Variants in SCGB2B2 observed in about 807,000 individuals in gnomAD.
The protein encoded by SCGB2B2 is secretoglobin family 2B member 2, also known as secretoglobin-like protein.
A neutral mutation model predicts 7.6 loss-of-function variants in SCGB2B2; 11 were observed. The ratio of observed to expected loss-of-function variants is 1.45; its 90% CI spans 0.91 to 2.40. The LOEUF (loss-of-function observed/expected upper bound fraction) is 2.40. Ranked by LOEUF, SCGB2B2 falls within the 30% of genes most tolerant of loss-of-function variation. The pLI, the probability that SCGB2B2 is intolerant of heterozygous loss-of-function variation, is 0.00. For missense variants in SCGB2B2, 104 were observed against 115.4 expected (o/e 0.90, Z 0.45); for synonymous variants, 50 against 48.6 (o/e 1.03, Z -0.12).
rs372699013 is a variant in SCGB2B2, at chr19:34,630,815, G to A, written c.-2031-34221C>T. Among the ~76,000 whole-genome samples the A allele has an allele frequency of 1.8e-4, 28 of 152,048 alleles. No homozygotes were observed. In the East Asian group the frequency reaches 5.4e-3, roughly 29 times the overall value. ...TGCTGCTATAAAGACACATGCACAC[G>A]TATGTTTATTGCGGCACTATTCACA... On this transcript the variant is annotated intron_variant, in intron 1 of 3. Coordinates refer to ENST00000601241, the MANE Select transcript of SCGB2B2 (RefSeq NM_001025591.4).
chr19:34,608,662 TATATATATATA>T lies in SCGB2B2; in HGVS notation c.-2031-12079_-2031-12069del, dbSNP rs1465162858. The stretch of plus-strand genomic sequence containing the variant: ...TTTTTATGGCTAGTGTCTCATTGCA[TATATATATATA>T]TATATATATATACCGTATTTTCTTC... On this transcript the variant is annotated intron_variant, in intron 1 of 3. Coordinates refer to ENST00000601241, the MANE Select transcript of SCGB2B2 (RefSeq NM_001025591.4). The T allele has an allele frequency of 2.7e-3, 134 of 49,228 alleles. 4 individuals are homozygous for T. Among genetic ancestry groups the T allele is most frequent in the African/African-American group, 7.3e-3 (128 of 17,610 alleles). The allele number at this position is 49,228 out of a possible 1,614,324, so 3.0% of individuals were successfully genotyped here. A position where few individuals can be genotyped will look rare whatever the true frequency, so the allele number is the denominator to read the frequency against.
At chr19:34,617,558 T>C (rs2066118557) in intron 1 of SCGB2B2, among the ~76,000 whole-genome samples, 1 of 151,972 alleles carries the variant, frequency 6.6e-6, no homozygotes, top group South Asian at 2.1e-4. Flanking sequence ...TTTGCTGAAG[T>C]TGCTTATCAG....
chr19:34,597,234 C>T (rs1247430515), intron 1 of SCGB2B2, among the ~76,000 whole-genome samples: 2 of 152,154 alleles, frequency 1.3e-5, no homozygotes, highest in Non-Finnish European at 2.9e-5. Flanking sequence ...CCACCCACCA[C>T]ACTGCAGGTT....
At chr19:34,605,507 G>A (rs1322995432) in intron 1 of SCGB2B2, among the ~76,000 whole-genome samples, 1 of 152,184 alleles carries the variant, frequency 6.6e-6, no homozygotes, top group Admixed American at 6.5e-5. Context: ...CATGTAAGAT[G>A]TAACTTTTTG....
intron 1 of SCGB2B2, among the ~76,000 whole-genome samples, chr19:34,624,463 T>TA (rs756637136): frequency 6.6e-6 from 1 of 152,150 alleles, no homozygotes; most frequent in Non-Finnish European, 1.5e-5. Flanking sequence ...CAGCAATTCT[T>TA]AGAGTTACAT....
chr19:34,586,142 T>C (rs897641393), downstream of SCGB2B2, among the ~76,000 whole-genome samples: 4 of 152,224 alleles, frequency 2.6e-5, no homozygotes, highest in African/African-American at 9.6e-5. Context: ...GCTATTATCA[T>C]TTTAATTATA....
intron 3 of SCGB2B2, among the ~76,000 whole-genome samples, chr19:34,593,957 C>T (rs540237625): frequency 6.6e-6 from 1 of 152,110 alleles, no homozygotes; most frequent in South Asian, 2.1e-4. Context: ...GGCAGAGGTT[C>T]TCCCCTTGCA....
chr19:34,593,831 T>C (rs1177709832), intron 3 of SCGB2B2, among the ~76,000 whole-genome samples: 1 of 151,960 alleles, frequency 6.6e-6, no homozygotes, highest in African/African-American at 2.4e-5. Flanking sequence ...GCATGGGGTG[T>C]GTGTGTTGCT....
chr19:34,589,736 G>C (rs1430220612), downstream of SCGB2B2, among the ~76,000 whole-genome samples: 1 of 152,030 alleles, frequency 6.6e-6, no homozygotes, highest in Non-Finnish European at 1.5e-5. Context: ...AGGGCAGTGT[G>C]GATGATGGAG....
Position 34,594,694 on chromosome 19 carries a change from TG to T in SCGB2B2, c.-132del, listed in dbSNP as rs2065397683. The T allele has an allele frequency of 1.7e-6, 1 of 596,042 alleles. No homozygotes were observed. Among genetic ancestry groups the T allele is most frequent in the Non-Finnish European group, 2.9e-6 (1 of 342,772 alleles). The allele number at this position is 596,042 out of a possible 1,614,324, so 36.9% of individuals were successfully genotyped here. Reference sequence around the variant, plus strand: ...GTGTGTGTGTGTGTGTGTGTGTGTGTGTGTGTGTGAATGTGGTCAGGGCAGG... The same window carrying T: ...GTGTGTGTGTGTGTGTGTGTGTGTGTTGTGTGTGAATGTGGTCAGGGCAGG... On this transcript the variant is annotated 5_prime_UTR_variant, in exon 2 of 4. An upstream open reading frame in the 5' UTR loses its in-frame stop. Transcript: ENST00000601241.
chr19:34,608,206 C>A (rs1435667254), intron 1 of SCGB2B2, among the ~76,000 whole-genome samples: 1 of 151,870 alleles, frequency 6.6e-6, no homozygotes, highest in African/African-American at 2.4e-5. Flanking sequence ...GCATTTTATT[C>A]TTTTTGTTGT....
chr19:34,599,661 G>A (rs1196472121), intron 1 of SCGB2B2, among the ~76,000 whole-genome samples: 1 of 152,160 alleles, frequency 6.6e-6, no homozygotes, highest in Non-Finnish European at 1.5e-5. Context: ...AATTCAAGAT[G>A]AGATTTGGGT....
chr19:34,656,239 G>C (rs2067279209), intron 1 of SCGB2B2, among the ~76,000 whole-genome samples: 1 of 151,224 alleles, frequency 6.6e-6, no homozygotes, highest in Non-Finnish European at 1.5e-5. Context: ...GAGCCTAAGG[G>C]AAAAAACTGT....
chr19:34,642,802 T>C (rs1409438537), intron 1 of SCGB2B2, among the ~76,000 whole-genome samples: 6 of 147,972 alleles, frequency 4.1e-5, no homozygotes. Flanking sequence ...AACACGTATA[T>C]GAAAAAATGC....
chr19:34,662,682 A>T (rs896412062), intron 1 of SCGB2B2, among the ~76,000 whole-genome samples: 1 of 152,180 alleles, frequency 6.6e-6, no homozygotes, highest in Non-Finnish European at 1.5e-5. Context: ...TATCAAGAAA[A>T]TATAAAGAAC....
rs184202990 is a variant in SCGB2B2, at chr19:34,668,525, G to C, written c.-2032+7105C>G. Among the ~76,000 whole-genome samples, 47 of 152,342 alleles carry C rather than the reference G, an allele frequency of 3.1e-4. 1 individual carries two copies. In the East Asian group the frequency reaches 8.3e-3, roughly 27 times the overall value. On this transcript the variant is annotated intron_variant, in intron 1 of 3. Transcript: ENST00000601241. ...CCATCGACCACCCAAGGGCTGAGGA[G>C]TGCTGGTGCACGGCGCGGGACTGGC...
At chr19:34,635,429 C>T in intron 1 of SCGB2B2, 1 of 308,866 alleles carries the variant, frequency 3.2e-6, no homozygotes, top group Non-Finnish European at 6.8e-6. Flanking sequence ...ATTCACTGCA[C>T]CCATAAGGCC....
At chr19:34,674,568 G>A (rs1475582657) in intron 1 of SCGB2B2, among the ~76,000 whole-genome samples, 3 of 152,098 alleles carry the variant, frequency 2.0e-5, no homozygotes, top group Non-Finnish European at 4.4e-5. Flanking sequence ...GCAATAGATC[G>A]GAATAAATTA....
downstream of SCGB2B2, among the ~76,000 whole-genome samples, chr19:34,589,509 G>A (rs2065251246): frequency 6.6e-6 from 1 of 152,186 alleles, no homozygotes; most frequent in South Asian, 2.1e-4. Flanking sequence ...GTAGGTCAAG[G>A]AACCCAGCAG....
Sources: gnomAD v4.1 joint callset for allele counts (sites outside exome capture counted in the v4.1 genomes callset) on GRCh38, gnomAD v4.1.1 for gene constraint, MANE v1.5 for transcripts, NCBI Gene and HGNC (gene_info 2026-07-23, HGNC 2026-07-21) for gene names.